The following NLRC4 variants were observed in gnomAD, a reference collection of about 807,000 sequenced individuals.
NLRC4 encodes the protein NLR family CARD domain containing 4.
A neutral mutation model predicts 79.9 loss-of-function variants in NLRC4; 63 were observed. The ratio of observed to expected loss-of-function variants is 0.79; its 90% CI spans 0.64 to 0.97. The LOEUF is 0.97. Among genes scored for constraint, NLRC4 ranks in the 50% least tolerant of loss-of-function variants. The probability of loss-of-function intolerance (pLI) is 0.00; values close to 1 mark genes in which losing one functional copy is unlikely to be tolerated. For synonymous variants in NLRC4, 461 were observed against 456.5 expected (o/e 1.01, Z -0.12); for missense variants, 1,074 against 1,215.2 (o/e 0.88, Z 1.73).
chr2:32,247,315 ATT>A (rs766365241), intron 4 of NLRC4, among the ~76,000 whole-genome samples: 25 of 138,190 alleles, frequency 1.8e-4, no homozygotes, highest in Admixed American at 3.7e-4. Context: ...ATTTTTTTTA[ATT>A]TTTTTTTTTT....
rs183546901 is a variant in NLRC4, at chr2:32,259,400, G to A, written c.-118-2507C>T. Among the ~76,000 whole-genome samples the A allele has an allele frequency of 6.0e-5, 9 of 150,666 alleles. No homozygotes were observed. The East Asian group carries it at 9.7e-4, about 16-fold the overall frequency. Reference sequence around the variant, plus strand: ...TGAGATCACAAGAATGAGCCACCGCGTCTGGCCATTACCCTAACATTTTAT... The same window carrying A: ...TGAGATCACAAGAATGAGCCACCGCATCTGGCCATTACCCTAACATTTTAT... On this transcript the variant is annotated intron_variant, in intron 1 of 8. Transcript: ENST00000402280.
intron 3 of NLRC4, among the ~76,000 whole-genome samples, 173 bp from the exon 4 acceptor site, chr2:32,251,774 C>T (rs1043295024): frequency 4.6e-5 from 7 of 152,254 alleles, no homozygotes; most frequent in East Asian, 1.9e-4. Context: ...CTTTCCCCAG[C>T]ATCCTTTACC....
chr2:32,235,882 G>A (rs369666752), intron 7 of NLRC4, among the ~76,000 whole-genome samples: 88 of 152,222 alleles, frequency 5.8e-4, no homozygotes, highest in African/African-American at 2.0e-3. Flanking sequence ...ATATGAATCA[G>A]TTCTTTCCTT....
chr2:32,235,538 G>C lies in NLRC4; in HGVS notation c.2645C>G (p.Thr882Ser). 1 of 1,614,204 alleles carries C rather than the reference G, an allele frequency of 6.2e-7. No homozygotes were observed. Among genetic ancestry groups the C allele is most frequent in the South Asian group, 1.1e-5 (1 of 91,080 alleles). ...IDRMNVLEQL[T>S]ALMLPWGCDV... ...ACAGCCCCAGGGCAGCATCAGTGCG[G>C]TGAGCTGTTCTAGCACGTTCATCCT... The change falls in exon 8 of 9, where the codon ACC becomes AGC. Residue 882 changes from threonine to serine, a missense_variant. Coordinates refer to ENST00000402280, the MANE Select transcript of NLRC4 (RefSeq NM_001199138.2).
chr2:32,261,316 C>CTTTTTTTTTTTTTTTTTTTTTTTTT (rs751434892), intron 1 of NLRC4, among the ~76,000 whole-genome samples: 1,451 of 96,700 alleles, frequency 0.015, 266 homozygotes, highest in Non-Finnish European at 0.018. Flanking sequence ...AGCCTCCCCC[C>CTTTTTTTTTTTTTTTTTTTTTTTTT]TTTTGTTTTT....
At chr2:32,234,802 T>G (rs1686633640) in intron 8 of NLRC4, among the ~76,000 whole-genome samples, 1 of 152,242 alleles carries the variant, frequency 6.6e-6, no homozygotes, top group African/African-American at 2.4e-5. Flanking sequence ...GCTAACCTGC[T>G]AAACTCCTAA....
chr2:32,250,952 G>A lies in NLRC4; in HGVS notation c.912C>T (p.Ser304=), dbSNP rs368788664. The A allele has an allele frequency of 1.2e-5, 20 of 1,614,118 alleles. No homozygotes were observed. The highest frequency in any genetic ancestry group is 8.9e-5 in the East Asian group (4 of 44,882). The stretch of plus-strand genomic sequence containing the variant: ...GCACTTCTCGGATGAGAGCCTGGGC[G>A]CTGTCTTCTGTCATATCCCCCACCT... The part of the protein sequence containing the change: ...TAEVGDMTED[S]AQALIREVLI... Residue 304 remains serine (S), a synonymous_variant, in exon 4 of 9, where the codon AGC becomes AGT. Coordinates refer to ENST00000402280, the MANE Select transcript of NLRC4 (RefSeq NM_001199138.2). The surrounding 1 kb of genome is among the most constrained non-coding windows in gnomAD (Gnocchi z 4.9).
intron 1 of NLRC4, among the ~76,000 whole-genome samples, chr2:32,257,543 G>A (rs892656450): frequency 6.6e-6 from 1 of 151,302 alleles, no homozygotes; most frequent in African/African-American, 2.4e-5. Flanking sequence ...GGAGACGGAG[G>A]TTGCAGTGAG....
intron 3 of NLRC4, 122 bp downstream of exon 3, chr2:32,252,297 C>T (rs1413437883): frequency 1.4e-6 from 1 of 732,696 alleles, no homozygotes; most frequent in African/African-American, 1.8e-5. Context: ...TAGCAGGTAT[C>T]AAAGGCCACT....
chr2:32,262,206 C>T (rs1453020627), intron 1 of NLRC4, among the ~76,000 whole-genome samples: 1 of 152,158 alleles, frequency 6.6e-6, no homozygotes, highest in Non-Finnish European at 1.5e-5. Context: ...CACTAAGAGT[C>T]CTCAATCAAG....
Position 32,241,121 on chromosome 2 carries a change from AC to A in NLRC4, c.2261del (p.Gly754ValfsTer2). ...HDLQNQRLPG[G>X]LTDSLGNLKN... ...TCAAGTTACCCAAGCTGTCAGTCAGACCACCTGTCAAAAGAAAAAAGATTGG... is the reference window on the plus strand; with the variant it reads ...TCAAGTTACCCAAGCTGTCAGTCAGACACCTGTCAAAAGAAAAAAGATTGG... On this transcript the variant is annotated frameshift_variant, in exon 5 of 9. Coordinates refer to ENST00000402280, the MANE Select transcript of NLRC4 (RefSeq NM_001199138.2). LOFTEE classifies it high-confidence loss of function. 6.3e-7 allele frequency: 1 copy of A among 1,593,996 alleles called. No individual in the cohort carries two copies. Among genetic ancestry groups the A allele is most frequent in the Middle Eastern group, 1.7e-4 (1 of 6,030 alleles).
intron 2 of NLRC4, among the ~76,000 whole-genome samples, chr2:32,256,563 CTCTT>C (rs1304775672): frequency 1.3e-5 from 2 of 152,214 alleles, no homozygotes; most frequent in African/African-American, 4.8e-5. Context: ...CACCTGGTCA[CTCTT>C]TGTGTAAGTC....
chr2:32,248,240 A>G (rs1269923008), intron 4 of NLRC4, among the ~76,000 whole-genome samples: 1 of 152,166 alleles, frequency 6.6e-6, no homozygotes, highest in African/African-American at 2.4e-5. Flanking sequence ...CTGTAAACTA[A>G]AAATCCTAAG....
At chr2:32,242,926 T>C (rs1011336870) in intron 4 of NLRC4, among the ~76,000 whole-genome samples, 1 of 151,996 alleles carries the variant, frequency 6.6e-6, no homozygotes. Flanking sequence ...CAGGTGTGAG[T>C]AGTCCTGGCT....
chr2:32,252,554 A>G lies in NLRC4; in HGVS notation c.127T>C (p.Cys43Arg), dbSNP rs1558459227. 6.2e-7 allele frequency: 1 copy of G among 1,614,250 alleles called. No individual in the cohort carries two copies. Among genetic ancestry groups the G allele is most frequent in the Non-Finnish European group, 8.5e-7 (1 of 1,180,040 alleles). ...LNREEVNIIC[C>R]EKVEQDAARG... ...GCAGCATCCTGCTCCACCTTCTCGC[A>G]GCAAATGATGTTTACTTCTTCGCGA... Residue 43 changes from cysteine (C) to arginine (R), a missense_variant, in exon 3 of 9, where the codon TGC becomes CGC. Cys to Arg is a radical substitution (Grantham distance 180, BLOSUM62 -3). Coordinates refer to ENST00000402280, the MANE Select transcript of NLRC4 (RefSeq NM_001199138.2).
intron 5 of NLRC4, among the ~76,000 whole-genome samples, chr2:32,240,287 C>A (rs955201966): frequency 1.3e-5 from 2 of 151,060 alleles, no homozygotes; most frequent in South Asian, 4.2e-4. Context: ...AGGCTTCAGC[C>A]ATGTTTGGCT....
In NLRC4 at chr2:32,249,606, C is replaced by T. The variant is rs1687016319; in HGVS notation, c.2257+1G>A. On this transcript the variant is annotated splice_donor_variant, in intron 4 of 8. Coordinates refer to ENST00000402280, the MANE Select transcript of NLRC4 (RefSeq NM_001199138.2). LOFTEE classifies it high-confidence loss of function. ...GCACAAACCACTGATATTTACAATA[C>T]CCGGCAGCCGTTGATTCTGTAGGTC... The T allele has an allele frequency of 1.9e-6, 3 of 1,570,766 alleles. No homozygotes were observed. The highest frequency in any genetic ancestry group is 2.6e-6 in the Non-Finnish European group (3 of 1,159,094).
Position 32,251,364 on chromosome 2 carries a change from A to G in NLRC4, c.500T>C (p.Ile167Thr), listed in dbSNP as rs1687073731. The G allele has an allele frequency of 1.9e-6, 3 of 1,613,840 alleles. No homozygotes were observed. The African/African-American group carries it at 4.0e-5, about 22-fold the overall frequency. ...LLQALQSPCI[I>T]EGESGKGKST... ...CTTGCCTTTGCCAGATTCCCCTTCA[A>G]TGATGCAGGGGCTCTGAAGAGCCTG... Residue 167 changes from isoleucine to threonine, a missense_variant, in exon 4 of 9, where the codon ATT becomes ACT. By Grantham distance (89) the Ile-to-Thr change is moderately conservative. Transcript: ENST00000402280.
chr2:32,232,158 A>G (rs1274447874), intron 8 of NLRC4, among the ~76,000 whole-genome samples: 1 of 152,182 alleles, frequency 6.6e-6, no homozygotes, highest in Non-Finnish European at 1.5e-5. Context: ...TACTATCAAC[A>G]TGAATCACCA....
Sources: allele counts gnomAD v4.1 joint callset (sites outside exome capture counted in the v4.1 genomes callset), GRCh38; gene constraint gnomAD v4.1.1; non-coding constraint Gnocchi (gnomAD v3.1); transcripts MANE v1.5; gene names NCBI Gene and HGNC (gene_info 2026-07-23, HGNC 2026-07-21).